Variants in TMEM232 observed in about 807,000 individuals in gnomAD.
TMEM232 encodes transmembrane protein 232.
Under a neutral mutation model 78.8 loss-of-function variants are expected in TMEM232, and 80 were observed. The observed-to-expected ratio is 1.01, with a 90% confidence interval of 0.85 to 1.22. The LOEUF is 1.22. Ranked by LOEUF, TMEM232 falls within the 50% of genes most tolerant of loss-of-function variation. The pLI, the probability that TMEM232 is intolerant of heterozygous loss-of-function variation, is 0.00. For missense variants in TMEM232, 881 were observed against 742.2 expected, an observed-to-expected ratio of 1.19 and a Z score of -2.17; for synonymous variants, 297 against 254.3, an observed-to-expected ratio of 1.17 and a Z score of -1.60.
intron 10 of TMEM232, among the ~76,000 whole-genome samples, chr5:110,585,587 A>G (rs1227438663): frequency 6.6e-6 from 1 of 152,160 alleles, no homozygotes; most frequent in Non-Finnish European, 1.5e-5. Flanking sequence ...CAGTCTTAGA[A>G]TATTTGGCCA....
At chr5:110,709,022 A>T (rs1170309571) in intron 1 of TMEM232, among the ~76,000 whole-genome samples, 1 of 152,170 alleles carries the variant, frequency 6.6e-6, no homozygotes, top group Non-Finnish European at 1.5e-5. Flanking sequence ...TAGACTCAAA[A>T]TAAAGAGATG....
intron 11 of TMEM232, among the ~76,000 whole-genome samples, chr5:110,559,253 A>C (rs1775480645): frequency 6.6e-6 from 1 of 152,334 alleles, no homozygotes; most frequent in East Asian, 1.9e-4. Flanking sequence ...CAGATAATAT[A>C]GAAAGATATC....
At chr5:110,581,880 T>C (rs1487840572) in intron 10 of TMEM232, among the ~76,000 whole-genome samples, 1 of 151,592 alleles carries the variant, frequency 6.6e-6, no homozygotes, top group Non-Finnish European at 1.5e-5. Context: ...AAAGAAGACA[T>C]ACATGCATCC....
intron 1 of TMEM232, chr5:110,737,888 GCAAT>G (rs1401735673): frequency 1.3e-5 from 2 of 153,488 alleles, no homozygotes; most frequent in East Asian, 1.9e-4. Context: ...AAGCTGCATC[GCAAT>G]CAAATTTAAG....
intron 11 of TMEM232, among the ~76,000 whole-genome samples, chr5:110,556,909 T>C (rs995517318): frequency 6.6e-6 from 1 of 152,190 alleles, no homozygotes; most frequent in Non-Finnish European, 1.5e-5. Context: ...TGAATTTGAA[T>C]ATCATCCTCT....
intron 11 of TMEM232, among the ~76,000 whole-genome samples, chr5:110,564,232 A>G (rs990323455): frequency 6.6e-6 from 1 of 151,986 alleles, no homozygotes; most frequent in Admixed American, 6.6e-5. Context: ...ACAGAAAAAA[A>G]TATGTATTTC....
At chr5:110,436,061 T>C (rs1758398541) in intron 12 of TMEM232, among the ~76,000 whole-genome samples, 1 of 152,012 alleles carries the variant, frequency 6.6e-6, no homozygotes, top group South Asian at 2.1e-4. Context: ...TTGTATTAAT[T>C]TACATTCCTA....
intron 11 of TMEM232, among the ~76,000 whole-genome samples, chr5:110,547,446 AG>A (rs1773916703): frequency 6.6e-6 from 1 of 152,194 alleles, no homozygotes; most frequent in African/African-American, 2.4e-5. Flanking sequence ...TTGAATAATT[AG>A]GTATGGAATA....
intron 12 of TMEM232, among the ~76,000 whole-genome samples, chr5:110,488,057 C>A (rs770729558): frequency 3.9e-5 from 6 of 152,004 alleles, no homozygotes; most frequent in Non-Finnish European, 8.8e-5. Flanking sequence ...TTCAGGGTAT[C>A]TAATTCTTCC....
chr5:110,423,780 C>CATGTGT (rs1554075233), intron 13 of TMEM232, among the ~76,000 whole-genome samples: 3 of 142,486 alleles, frequency 2.1e-5, no homozygotes, highest in East Asian at 4.1e-4. Context: ...TTTATGCGTG[C>CATGTGT]GTGTGTGTGT....
intron 2 of TMEM232, among the ~76,000 whole-genome samples, chr5:110,654,648 T>C (rs370131773): frequency 6.6e-6 from 1 of 152,174 alleles, no homozygotes; most frequent in Admixed American, 6.5e-5. Context: ...TTTGGTTCCA[T>C]ATGAACTTTA....
At chr5:110,671,979 A>G (rs527829406) in intron 1 of TMEM232, among the ~76,000 whole-genome samples, 2 of 152,304 alleles carry the variant, frequency 1.3e-5, no homozygotes, top group East Asian at 1.9e-4. Context: ...CTCTTAGATA[A>G]ATTAGCTTAA....
chr5:110,671,541 A>G (rs1334438100), intron 1 of TMEM232, among the ~76,000 whole-genome samples: 1 of 152,248 alleles, frequency 6.6e-6, no homozygotes. Flanking sequence ...AATGTGACAC[A>G]TATACACCAT....
intron 7 of TMEM232, among the ~76,000 whole-genome samples, chr5:110,620,617 CTCTCTCTCTCTCTCT>C (rs1580386517): frequency 6.7e-5 from 9 of 135,170 alleles, no homozygotes; most frequent in East Asian, 2.1e-4. Context: ...CTCTCTCTCT[CTCTCTCTCTCTCTCT>C]CTCTCTCCTC....
At chr5:110,551,123 C>A (rs942545510) in intron 11 of TMEM232, among the ~76,000 whole-genome samples, 18 of 152,154 alleles carry the variant, frequency 1.2e-4, no homozygotes, top group African/African-American at 4.3e-4. Context: ...AGCCCCTAAT[C>A]TAGAATATGA....
At chr5:110,717,249 T>C (rs1797105200) in intron 1 of TMEM232, among the ~76,000 whole-genome samples, 1 of 151,854 alleles carries the variant, frequency 6.6e-6, no homozygotes, top group Admixed American at 6.6e-5. Context: ...TGAAATTTTA[T>C]ATTCTATTAA....
At chr5:110,577,741 G>C (rs956132095) in intron 10 of TMEM232, among the ~76,000 whole-genome samples, 2 of 151,970 alleles carry the variant, frequency 1.3e-5, no homozygotes, top group African/African-American at 4.8e-5. Context: ...TGGAGCTTAA[G>C]GCCATTATCC....
chr5:110,409,841 C>T (rs757600515), intron 2 of TMEM232, among the ~76,000 whole-genome samples: 7 of 152,104 alleles, frequency 4.6e-5, no homozygotes, highest in South Asian at 4.1e-4. Flanking sequence ...GCGCCCCAAA[C>T]GCTAGCAAAT....
intron 12 of TMEM232, among the ~76,000 whole-genome samples, chr5:110,523,966 A>AGGGGGGGGG (rs1230285778): frequency 4.8e-5 from 2 of 41,240 alleles, no homozygotes; most frequent in Admixed American, 3.9e-4. Context: ...AAAAAAAAAA[A>AGGGGGGGGG]GGGGGGGGGG....
Sources: gnomAD v4.1 joint callset for allele counts (sites outside exome capture counted in the v4.1 genomes callset) on GRCh38, gnomAD v4.1.1 for gene constraint, MANE v1.5 for transcripts, NCBI Gene and HGNC (gene_info 2026-07-23, HGNC 2026-07-21) for gene names.